EHMT1: variants seen among roughly 807,000 people sequenced by gnomAD.
EHMT1 encodes histone-lysine N-methyltransferase EHMT1.
EHMT1 carries 15 observed loss-of-function variants against 147.2 expected under a neutral mutation model. That is an observed-to-expected ratio of 0.10 (90% CI 0.07 to 0.16). The LOEUF (loss-of-function observed/expected upper bound fraction) is 0.16. EHMT1 is among the 10% of genes least tolerant of loss of function. EHMT1 has a pLI of 1.00. For missense variants in EHMT1, 1,587 were observed against 1,772.4 expected (o/e 0.90, Z 1.88); for synonymous variants, 795 against 709.6 (o/e 1.12, Z -1.91).
chr9:137,642,887 CT>C (rs1844596093), intron 1 of EHMT1, among the ~76,000 whole-genome samples: 1 of 152,098 alleles, frequency 6.6e-6, no homozygotes, highest in African/African-American at 2.4e-5. Flanking sequence ...TTGCATTCCC[CT>C]CCCCTCCCCT....
rs189002857 is a variant in EHMT1, at chr9:137,773,122, C to T, written c.1648-1987C>T. Among the ~76,000 whole-genome samples the T allele has an allele frequency of 2.7e-3, 410 of 152,336 alleles. 1 individual carries two copies. Among genetic ancestry groups the T allele is most frequent in the Admixed American group, 2.4e-3 (36 of 15,296 alleles). ...CATGAATAAGAAAGTAAAATCACTT[C>T]TTATTCCAAAACTGAGGGAATCATT... On this transcript the variant is annotated intron_variant, in intron 10 of 26. Transcript: ENST00000460843.
chr9:137,641,477 G>T, intron 1 of EHMT1: 1 of 454,132 alleles, frequency 2.2e-6, no homozygotes, highest in Admixed American at 2.8e-5. Context: ...CAGTGCAGAC[G>T]CTTGTGGATG....
chr9:137,731,624 C>T lies in EHMT1; in HGVS notation c.823+3095C>T, dbSNP rs538480787. Reference sequence around the variant, plus strand: ...TTGTCACAGGATCCCTTGAGTGTCCCTTTGCTGGTCATAAACCTCTGCAGC... The same window carrying T: ...TTGTCACAGGATCCCTTGAGTGTCCTTTTGCTGGTCATAAACCTCTGCAGC... On this transcript the variant is annotated intron_variant, in intron 4 of 26. Transcript: ENST00000460843. This position sits in a 1 kb window ranked among gnomAD's most constrained non-coding sequence, Gnocchi z 4.3. Among the ~76,000 whole-genome samples the T allele has an allele frequency of 1.3e-5, 2 of 152,274 alleles. No homozygotes were observed. Among genetic ancestry groups the T allele is most frequent in the South Asian group, 4.1e-4 (2 of 4,824 alleles).
Position 137,729,708 on chromosome 9 carries a change from G to GC in EHMT1, c.823+1186dup, listed in dbSNP as rs569593811. 3.9e-5 allele frequency among the ~76,000 whole-genome samples: 6 copies of GC among 151,956 alleles called. No individual in the cohort carries two copies. In the South Asian group the frequency reaches 6.2e-4, roughly 16 times the overall value. Reference sequence around the variant, plus strand: ...ACCACATGGCACAATCTCGCCCCCGGCCCCCCCATGTATTACTTTTTTTTC... The same window carrying GC: ...ACCACATGGCACAATCTCGCCCCCGGCCCCCCCCATGTATTACTTTTTTTTC... On this transcript the variant is annotated intron_variant, in intron 4 of 26. Transcript: ENST00000460843.
At chr9:137,779,271 C>T (rs1380873342) in intron 13 of EHMT1, among the ~76,000 whole-genome samples, 1 of 152,266 alleles carries the variant, frequency 6.6e-6, no homozygotes, top group East Asian at 1.9e-4. Context: ...TGGGCTCATC[C>T]TGGCTGGGGC....
chr9:137,809,626 C>G (rs1004667651), intron 18 of EHMT1, among the ~76,000 whole-genome samples: 2 of 152,254 alleles, frequency 1.3e-5, no homozygotes, highest in Non-Finnish European at 2.9e-5. Flanking sequence ...TCCCAGACAC[C>G]AGCAGAGCAG....
intron 1 of EHMT1, among the ~76,000 whole-genome samples, chr9:137,670,701 C>T (rs879907023): frequency 1.6e-4 from 25 of 152,218 alleles, no homozygotes; most frequent in Admixed American, 9.8e-4. Flanking sequence ...CACTGAGGCC[C>T]TGCCCCTCCT....
chr9:137,810,804 A>G (rs1954414264), intron 18 of EHMT1, among the ~76,000 whole-genome samples: 1 of 151,972 alleles, frequency 6.6e-6, no homozygotes, highest in African/African-American at 2.4e-5. Context: ...GGTTCAAGCA[A>G]TTCTCCTGCC....
intron 25 of EHMT1, among the ~76,000 whole-genome samples, chr9:137,831,044 C>G (rs1391020466): frequency 1.3e-5 from 2 of 152,188 alleles, no homozygotes; most frequent in Non-Finnish European, 2.9e-5. Flanking sequence ...CCAGTGCCTT[C>G]TCACTGTGTC....
At position 137,766,075 on chromosome 9, in the gene EHMT1, T is replaced by C. The variant is rs535177303; in HGVS notation, c.1647+3255T>C. ...GAGTTCAAGACCAGCCTGGGCAACATGATGAAACCCCATCTCTTAAAAAAA... is the reference window on the plus strand; with the variant it reads ...GAGTTCAAGACCAGCCTGGGCAACACGATGAAACCCCATCTCTTAAAAAAA... On this transcript the variant is annotated intron_variant, in intron 10 of 26. Coordinates refer to ENST00000460843, the MANE Select transcript of EHMT1 (RefSeq NM_024757.5). Among the ~76,000 whole-genome samples, 17 of 151,924 alleles carry C rather than the reference T, an allele frequency of 1.1e-4. No homozygotes were observed. The East Asian group carries it at 2.0e-3, about 18-fold the overall frequency.
At chr9:137,634,784 C>T (rs925079545) in intron 1 of EHMT1, among the ~76,000 whole-genome samples, 1 of 149,206 alleles carries the variant, frequency 6.7e-6, no homozygotes, top group Non-Finnish European at 1.5e-5. Flanking sequence ...CTCACTGCAA[C>T]CTCTGCCTTC....
At chr9:137,635,704 C>T (rs996456023) in intron 1 of EHMT1, among the ~76,000 whole-genome samples, 3 of 150,780 alleles carry the variant, frequency 2.0e-5, no homozygotes, top group African/African-American at 7.3e-5. Flanking sequence ...CCTGTAGTTC[C>T]AGCTACTCGG....
At chr9:137,817,735 A>G (rs1360583374) in intron 24 of EHMT1, 3 of 665,968 alleles carry the variant, frequency 4.5e-6, no homozygotes, top group Non-Finnish European at 7.7e-6. Flanking sequence ...CCAGGAGTGC[A>G]TTTAAGAAGG....
intron 1 of EHMT1, among the ~76,000 whole-genome samples, chr9:137,692,887 C>T (rs1240801129): frequency 6.6e-6 from 1 of 151,902 alleles, no homozygotes; most frequent in Non-Finnish European, 1.5e-5. Flanking sequence ...TGAACACGTG[C>T]GGGCAGTGGT....
chr9:137,645,631 C>T (rs1334741902), intron 1 of EHMT1, among the ~76,000 whole-genome samples: 1 of 152,132 alleles, frequency 6.6e-6, no homozygotes, highest in African/African-American at 2.4e-5. Context: ...TCTGTGTTTC[C>T]ATCTCTGCTG....
Position 137,654,392 on chromosome 9 carries a change from C to CA in EHMT1, c.21+35353dup, listed in dbSNP as rs1340239079. ...CCACCCCTTACCACCTCCCCCCCAC[C>CA]AAAAAAAAAAGAGAAAAATTAATTG... On this transcript the variant is annotated intron_variant, in intron 1 of 26. Coordinates refer to ENST00000460843, the MANE Select transcript of EHMT1 (RefSeq NM_024757.5). 2.0e-3 allele frequency among the ~76,000 whole-genome samples: 257 copies of CA among 128,190 alleles called. 1 individual carries two copies. Among genetic ancestry groups the CA allele is most frequent in the East Asian group, 5.9e-3 (23 of 3,882 alleles). The allele number at this position is 128,190 out of a possible 152,430, so 84.1% of individuals were successfully genotyped here. A position where few individuals can be genotyped will look rare whatever the true frequency, so the allele number is the denominator to read the frequency against.
At chr9:137,790,648 G>A (rs974960692) in intron 15 of EHMT1, among the ~76,000 whole-genome samples, 200 bp from the exon 16 acceptor site, 3 of 152,188 alleles carry the variant, frequency 2.0e-5, no homozygotes, top group African/African-American at 7.2e-5. Context: ...AAATCTAGCA[G>A]AAATATTCTG....
At chr9:137,803,335 T>C in intron 18 of EHMT1, 1 of 982,446 alleles carries the variant, frequency 1.0e-6, no homozygotes, top group Non-Finnish European at 1.2e-6. Context: ...TCCTCCCTCA[T>C]GCCCTGATGA....
intron 1 of EHMT1, among the ~76,000 whole-genome samples, chr9:137,689,485 A>G (rs1388297199): frequency 6.6e-6 from 1 of 152,100 alleles, no homozygotes; most frequent in African/African-American, 2.4e-5. Context: ...TGGGTGGATC[A>G]TGAGGTCAGG....
Sources: gnomAD v4.1 joint callset for allele counts (sites outside exome capture counted in the v4.1 genomes callset) on GRCh38, gnomAD v4.1.1 for gene constraint, Gnocchi (gnomAD v3.1) non-coding constraint, MANE v1.5 for transcripts, NCBI Gene and HGNC (gene_info 2026-07-23, HGNC 2026-07-21) for gene names.